ECHDC1: variants seen among roughly 807,000 people sequenced by gnomAD.
ECHDC1 encodes ethylmalonyl-CoA decarboxylase.
In ECHDC1, 29 loss-of-function variants were observed where a neutral mutation model predicts 29.7. That is an observed-to-expected ratio of 0.98 (90% CI 0.73 to 1.33). The LOEUF is 1.33. Ranked by LOEUF, ECHDC1 falls within the 40% of genes most tolerant of loss-of-function variation. The pLI is 0.00. For missense variants in ECHDC1, 328 were observed against 350.0 expected, an observed-to-expected ratio of 0.94 and a Z score of 0.50; for synonymous variants, 126 against 123.1, an observed-to-expected ratio of 1.02 and a Z score of -0.15.
At chr6:127,308,335 G>A (rs1781614869) in intron 5 of ECHDC1, among the ~76,000 whole-genome samples, 1 of 152,042 alleles carries the variant, frequency 6.6e-6, no homozygotes, top group African/African-American at 2.4e-5. Flanking sequence ...ATGCAAGGAT[G>A]GTTCAACATA....
chr6:127,329,490 T>C (rs917353660), intron 2 of ECHDC1, among the ~76,000 whole-genome samples: 2 of 152,222 alleles, frequency 1.3e-5, no homozygotes, highest in Admixed American at 1.3e-4. Context: ...CCTGGACTAA[T>C]ATTAAATTGG....
At chr6:127,308,785 C>T (rs1432057362) in intron 5 of ECHDC1, among the ~76,000 whole-genome samples, 3 of 152,046 alleles carry the variant, frequency 2.0e-5, no homozygotes, top group Non-Finnish European at 4.4e-5. Flanking sequence ...AATCAACATA[C>T]AAAAATCAGT....
intron 5 of ECHDC1, among the ~76,000 whole-genome samples, chr6:127,302,167 G>A (rs544570472): frequency 6.6e-6 from 1 of 152,208 alleles, no homozygotes; most frequent in South Asian, 2.1e-4. Flanking sequence ...AATAATCTCT[G>A]ATTATTTTTC....
At chr6:127,294,914 G>T (rs1009068376) in intron 5 of ECHDC1, among the ~76,000 whole-genome samples, 1 of 151,786 alleles carries the variant, frequency 6.6e-6, no homozygotes. Flanking sequence ...TTATTTGTGT[G>T]TGCAAGTGTG....
intron 3 of ECHDC1, among the ~76,000 whole-genome samples, chr6:127,317,336 CT>C (rs370273905): frequency 2.0e-5 from 3 of 151,554 alleles, no homozygotes; most frequent in African/African-American, 4.8e-5. Context: ...TTTATAATTT[CT>C]TTTTTTTGGA....
chr6:127,299,041 A>AC (rs111510138), intron 5 of ECHDC1, among the ~76,000 whole-genome samples: 3 of 150,818 alleles, frequency 2.0e-5, no homozygotes, highest in East Asian at 3.9e-4. Context: ...ATGCCTGGCT[A>AC]TTTTTTTTAT....
At chr6:127,302,004 A>T (rs1421838755) in intron 5 of ECHDC1, among the ~76,000 whole-genome samples, 1 of 152,164 alleles carries the variant, frequency 6.6e-6, no homozygotes, top group Non-Finnish European at 1.5e-5. Context: ...CTTCTCAACA[A>T]AAGCACCTGG....
intron 3 of ECHDC1, 89 bp from the exon 4 acceptor site, chr6:127,316,591 G>C (rs1269416514): frequency 1.9e-6 from 2 of 1,043,714 alleles, no homozygotes; most frequent in Non-Finnish European, 2.8e-6. Context: ...AAGTAATGAA[G>C]CCAAAAATAT....
At chr6:127,339,426 G>A (rs1784720292) in intron 1 of ECHDC1, among the ~76,000 whole-genome samples, 1 of 151,634 alleles carries the variant, frequency 6.6e-6, no homozygotes, top group African/African-American at 2.4e-5. Context: ...ATGGTACCTA[G>A]TCATCATTTT....
At chr6:127,334,274 A>G (rs1784236343) in intron 1 of ECHDC1, among the ~76,000 whole-genome samples, 1 of 152,046 alleles carries the variant, frequency 6.6e-6, no homozygotes, top group African/African-American at 2.4e-5. Context: ...TCCCTGAACT[A>G]TTCATTGTAT....
At position 127,288,765 on chromosome 6, in the gene ECHDC1, T is replaced by C. The variant is rs574056227; in HGVS notation, c.*1104A>G. On this transcript the variant is annotated 3_prime_UTR_variant, in exon 6 of 6. Coordinates refer to ENST00000454859, the MANE Select transcript of ECHDC1 (RefSeq NM_001002030.2). The stretch of plus-strand genomic sequence containing the variant: ...GGTAGTTTTTACATCTATGGCCAAA[T>C]AGTATTGGGTTGACACAGTAATCTA... 2.6e-5 allele frequency: 4 copies of C among 152,214 alleles called. No individual in the cohort carries two copies. Among genetic ancestry groups the C allele is most frequent in the African/African-American group, 9.7e-5 (4 of 41,410 alleles). 9.4% of individuals were successfully genotyped at this position (152,214 alleles called of 1,614,324 possible).
At chr6:127,295,322 C>CTATTTA (rs1430677544) in intron 5 of ECHDC1, among the ~76,000 whole-genome samples, 5 of 152,038 alleles carry the variant, frequency 3.3e-5, no homozygotes, top group Non-Finnish European at 7.4e-5. Context: ...AATACCTTGG[C>CTATTTA]TGAGGGTTAT....
chr6:127,297,221 T>A (rs1466754006), intron 5 of ECHDC1, among the ~76,000 whole-genome samples: 1 of 152,190 alleles, frequency 6.6e-6, no homozygotes, highest in Non-Finnish European at 1.5e-5. Context: ...TCATTAATAT[T>A]TATTTAACTT....
intron 2 of ECHDC1, 60 bp downstream of exon 2, chr6:127,330,749 A>T: frequency 6.9e-7 from 1 of 1,444,644 alleles, no homozygotes; most frequent in Non-Finnish European, 9.6e-7. Context: ...AGGATAAAAA[A>T]ACTTGTGATA....
At chr6:127,320,075 T>C (rs754642910) in intron 3 of ECHDC1, among the ~76,000 whole-genome samples, 18 of 152,294 alleles carry the variant, frequency 1.2e-4, no homozygotes, top group Non-Finnish European at 1.6e-4. Flanking sequence ...TGAAGTGCAG[T>C]GGCGTGATCT....
chr6:127,294,730 C>G lies in ECHDC1; in HGVS notation c.498-4453G>C, dbSNP rs183222579. On this transcript the variant is annotated intron_variant, in intron 5 of 5. Transcript: ENST00000454859. ...GAGGTAAATTTTCTTGATGTCACAG[C>G]TCTAAAGTAAGAACTTCCAAGTAAT... 6.6e-5 allele frequency: 10 copies of G among 152,202 alleles called. No individual in the cohort carries two copies. The East Asian group carries it at 1.9e-3, about 29-fold the overall frequency. 9.4% of individuals were successfully genotyped at this position (152,202 alleles called of 1,614,324 possible). A position where few individuals can be genotyped will look rare whatever the true frequency, so the allele number is the denominator to read the frequency against.
intron 1 of ECHDC1, among the ~76,000 whole-genome samples, chr6:127,337,369 A>G (rs1372986994): frequency 6.6e-6 from 1 of 152,192 alleles, no homozygotes; most frequent in Non-Finnish European, 1.5e-5. Flanking sequence ...GCACAAAAAA[A>G]CTTGGTCTCC....
At chr6:127,320,497 A>G (rs1782748212) in intron 3 of ECHDC1, among the ~76,000 whole-genome samples, 1 of 152,192 alleles carries the variant, frequency 6.6e-6, no homozygotes, top group South Asian at 2.1e-4. Context: ...AAGGTAGATT[A>G]AGAACAGAAA....
At chr6:127,303,901 A>G (rs1225583866) in intron 5 of ECHDC1, among the ~76,000 whole-genome samples, 2 of 152,184 alleles carry the variant, frequency 1.3e-5, no homozygotes, top group South Asian at 2.1e-4. Context: ...CTAGACTTCT[A>G]AAGTTTTTGA....
Sources: gnomAD v4.1 joint callset for allele counts (sites outside exome capture counted in the v4.1 genomes callset) on GRCh38, gnomAD v4.1.1 for gene constraint, MANE v1.5 for transcripts, NCBI Gene and HGNC (gene_info 2026-07-23, HGNC 2026-07-21) for gene names.